CDH18: variants seen among roughly 807,000 people sequenced by gnomAD.
CDH18 encodes the protein cadherin-18.
CDH18 carries 31 observed loss-of-function variants against 67.9 expected under a neutral mutation model. The ratio of observed to expected loss-of-function variants is 0.46; its 90% confidence interval spans 0.34 to 0.62. The LOEUF (loss-of-function observed/expected upper bound fraction) is 0.62, where lower values mean the gene tolerates loss of function less well. CDH18 is among the 20% of genes least tolerant of loss of function. The pLI, the probability that CDH18 is intolerant of heterozygous loss-of-function variation, is 0.01. For synonymous variants in CDH18, 362 were observed against 347.2 expected (o/e 1.04, Z -0.48); for missense variants, 890 against 975.5 (o/e 0.91, Z 1.17).
At chr5:19,997,826 G>A (rs1204049712) in intron 2 of CDH18, among the ~76,000 whole-genome samples, 1 of 152,076 alleles carries the variant, frequency 6.6e-6, no homozygotes, top group Non-Finnish European at 1.5e-5. Flanking sequence ...CACGCATAGG[G>A]TGTCATGAAA....
chr5:20,069,407 T>TTTTA (rs34618982), intron 2 of CDH18, among the ~76,000 whole-genome samples: 134,098 of 147,930 alleles, frequency 0.91, 61,661 homozygotes, highest in Non-Finnish European at 0.99. Context: ...TTTTTATTAT[T>TTTTA]TTTATTTATT....
At chr5:20,353,879 T>C (rs912565178) in intron 1 of CDH18, among the ~76,000 whole-genome samples, 3 of 152,218 alleles carry the variant, frequency 2.0e-5, no homozygotes, top group African/African-American at 4.8e-5. Flanking sequence ...CAGGTTTCCG[T>C]ATACTGGAAG....
intron 2 of CDH18, among the ~76,000 whole-genome samples, chr5:20,194,658 A>AT (rs536205549): frequency 0.2 from 21,010 of 104,940 alleles, 2,388 homozygotes; most frequent in African/African-American, 0.44. Flanking sequence ...CTTTGAAGTA[A>AT]TTTTTTTTTT....
intron 11 of CDH18, among the ~76,000 whole-genome samples, chr5:19,489,482 T>C (rs984222286): frequency 1.5e-4 from 23 of 151,950 alleles, no homozygotes; most frequent in East Asian, 1.2e-3. Flanking sequence ...CTCCTGACCT[T>C]GTGATCTGCC....
intron 1 of CDH18, among the ~76,000 whole-genome samples, chr5:20,428,106 C>A (rs925691917): frequency 1.7e-4 from 25 of 150,760 alleles, no homozygotes; most frequent in Non-Finnish European, 3.5e-4. Flanking sequence ...TTCCCCCACC[C>A]ACCAACAGGC....
intron 1 of CDH18, among the ~76,000 whole-genome samples, chr5:20,562,809 T>C (rs1316324340): frequency 6.6e-6 from 1 of 151,902 alleles, no homozygotes. Flanking sequence ...AACAATTAGG[T>C]TTAAATCATA....
At chr5:20,196,935 TG>T (rs1287423198) in intron 2 of CDH18, among the ~76,000 whole-genome samples, 1 of 152,222 alleles carries the variant, frequency 6.6e-6, no homozygotes, top group African/African-American at 2.4e-5. Flanking sequence ...TGAATGCCAT[TG>T]GCCTGGGGAA....
chr5:20,198,586 A>G (rs1739177051), intron 2 of CDH18, among the ~76,000 whole-genome samples: 1 of 152,210 alleles, frequency 6.6e-6, no homozygotes. Context: ...ATGATGCGGT[A>G]GAAAAAAGAA....
intron 1 of CDH18, among the ~76,000 whole-genome samples, chr5:20,545,493 G>GCTCAA (rs1221098594): frequency 1.5e-4 from 23 of 152,316 alleles, no homozygotes; most frequent in African/African-American, 5.5e-4. Context: ...GGTTCCCAAA[G>GCTCAA]CTCAACTCAT....
chr5:19,870,008 C>T (rs994685529), intron 2 of CDH18, among the ~76,000 whole-genome samples: 2 of 152,002 alleles, frequency 1.3e-5, no homozygotes, highest in African/African-American at 4.8e-5. Context: ...AAATGTTCTA[C>T]CATTAAGCTC....
chr5:20,130,994 T>C lies in CDH18; in HGVS notation c.-518+124450A>G, dbSNP rs1749220772. Among the ~76,000 whole-genome samples, 3 of 152,132 alleles carry C rather than the reference T, an allele frequency of 2.0e-5. No individual in the cohort carries two copies. The South Asian group carries it at 6.2e-4, about 31-fold the overall frequency. On this transcript the variant is annotated intron_variant, in intron 2 of 14. Transcript: ENST00000507958. ...AGAATAATTTATTGTGTCCTTCCAC[T>C]GTTTTACTGAAACTACTGTGGCAAA...
intron 2 of CDH18, among the ~76,000 whole-genome samples, chr5:20,071,046 G>GC (rs759780218): frequency 5.9e-5 from 9 of 152,034 alleles, no homozygotes; most frequent in Non-Finnish European, 1.0e-4. Flanking sequence ...ATTTCTTGAG[G>GC]CTATGAAAAC....
At chr5:20,504,536 A>G (rs1388592797) in intron 1 of CDH18, among the ~76,000 whole-genome samples, 1 of 152,184 alleles carries the variant, frequency 6.6e-6, no homozygotes, top group Non-Finnish European at 1.5e-5. Flanking sequence ...GTAGCTTACA[A>G]TCTAGAAATA....
At chr5:20,265,764 G>T (rs751020199) in intron 1 of CDH18, among the ~76,000 whole-genome samples, 1 of 152,160 alleles carries the variant, frequency 6.6e-6, no homozygotes, top group Admixed American at 6.5e-5. Flanking sequence ...GGTGATAAAA[G>T]ACAAGATGTG....
chr5:20,412,543 A>G (rs192319891), intron 1 of CDH18, among the ~76,000 whole-genome samples: 315 of 152,346 alleles, frequency 2.1e-3, no homozygotes, highest in African/African-American at 7.4e-3. Flanking sequence ...ATAACAAGAG[A>G]AACAGTGCAA....
chr5:20,571,492 A>T lies in CDH18; in HGVS notation c.-580+3970T>A, dbSNP rs369791130. On this transcript the variant is annotated intron_variant, in intron 1 of 14. Transcript: ENST00000507958. The stretch of plus-strand genomic sequence containing the variant: ...TATATTACCAAAATCTAATTTTGTG[A>T]AAAAGAACAGCATTATATTATATAC... Among the ~76,000 whole-genome samples, 11 of 152,246 alleles carry T rather than the reference A, an allele frequency of 7.2e-5. No individual in the cohort carries two copies. The East Asian group carries it at 1.2e-3, about 16-fold the overall frequency.
intron 2 of CDH18, among the ~76,000 whole-genome samples, chr5:19,930,217 A>G (rs12518927): frequency 0.72 from 109,130 of 151,998 alleles, 45,614 homozygotes; most frequent in Non-Finnish European, 0.93. Context: ...CACATCCCTA[A>G]TTAGTAACCC....
chr5:20,535,423 G>C (rs1206472449), intron 1 of CDH18, among the ~76,000 whole-genome samples: 1 of 151,922 alleles, frequency 6.6e-6, no homozygotes, highest in Non-Finnish European at 1.5e-5. Flanking sequence ...CACTTTTAAG[G>C]ACCCATGTAA....
chr5:19,688,736 T>C (rs1292098499), intron 5 of CDH18, among the ~76,000 whole-genome samples: 1 of 152,004 alleles, frequency 6.6e-6, no homozygotes, highest in Non-Finnish European at 1.5e-5. Context: ...AAAATAATGA[T>C]ATTAAAGAAG....
Sources: allele counts gnomAD v4.1 joint callset (sites outside exome capture counted in the v4.1 genomes callset), GRCh38; gene constraint gnomAD v4.1.1; transcripts MANE v1.5; gene names NCBI Gene and HGNC (gene_info 2026-07-23, HGNC 2026-07-21).